The following USP30 variants were observed in gnomAD, a reference collection of about 807,000 sequenced individuals.
The protein encoded by USP30 is ubiquitin carboxyl-terminal hydrolase 30.
USP30 carries 41 observed loss-of-function variants against 68.2 expected under a neutral mutation model. That is an observed-to-expected ratio of 0.60 (90% CI 0.47 to 0.78). USP30 has a LOEUF of 0.78. Among genes scored for constraint, USP30 ranks in the 30% least tolerant of loss-of-function variants. The pLI is 0.00. For missense variants in USP30, 522 were observed against 649.4 expected, an observed-to-expected ratio of 0.80 and a Z score of 2.13; for synonymous variants, 229 against 253.7, an observed-to-expected ratio of 0.90 and a Z score of 0.93.
intron 3 of USP30, among the ~76,000 whole-genome samples, chr12:109,065,867 C>T (rs1203627467): frequency 2.0e-5 from 3 of 152,156 alleles, no homozygotes; most frequent in Non-Finnish European, 4.4e-5. Flanking sequence ...TTAGAAGGTC[C>T]TGAAATGTTA....
Position 109,078,687 on chromosome 12 carries a change from TA to T in USP30, c.721-2646del, listed in dbSNP as rs1198734142. 2.0e-5 allele frequency among the ~76,000 whole-genome samples: 3 copies of T among 152,220 alleles called. 1 individual carries two copies. Among genetic ancestry groups the T allele is most frequent in the Admixed American group, 2.0e-4 (3 of 15,286 alleles). On this transcript the variant is annotated intron_variant, in intron 7 of 12. Coordinates refer to ENST00000257548, the MANE Select transcript of USP30 (RefSeq NM_032663.5). ...TTTTTCTTGTTCTCAGTCTTTCTTG[TA>T]GATCAAAATCCATTTGATGTTTTTT...
chr12:109,065,640 T>C (rs959780553), intron 3 of USP30, among the ~76,000 whole-genome samples: 26 of 152,168 alleles, frequency 1.7e-4, no homozygotes, highest in Admixed American at 6.5e-4. Context: ...TGGATTACAC[T>C]CTTAGGGGGT....
chr12:109,031,969 GT>G (rs2040485469), intron 3 of USP30, among the ~76,000 whole-genome samples: 1 of 151,906 alleles, frequency 6.6e-6, no homozygotes, highest in African/African-American at 2.4e-5. Context: ...AGGTGTCATG[GT>G]GTGCATCTGT....
At chr12:109,084,234 A>G (rs922562174) in intron 11 of USP30, among the ~76,000 whole-genome samples, 1 of 152,210 alleles carries the variant, frequency 6.6e-6, no homozygotes, top group African/African-American at 2.4e-5. Context: ...TCTAAAACAC[A>G]CACAAAAAAT....
upstream of USP30, among the ~76,000 whole-genome samples, chr12:109,051,641 C>T (rs1245154042): frequency 6.7e-6 from 1 of 148,216 alleles, no homozygotes; most frequent in African/African-American, 2.5e-5. Flanking sequence ...ATGATCTTGG[C>T]TCAGTGCAAC....
At chr12:109,042,427 T>C (rs994937631) in intron 3 of USP30, among the ~76,000 whole-genome samples, 2 of 152,202 alleles carry the variant, frequency 1.3e-5, no homozygotes, top group Non-Finnish European at 2.9e-5. Flanking sequence ...CCTAATCTTT[T>C]ATTCTCTCAC....
At chr12:109,030,537 G>C (rs1282756221) in intron 3 of USP30, among the ~76,000 whole-genome samples, 2 of 152,170 alleles carry the variant, frequency 1.3e-5, no homozygotes, top group Non-Finnish European at 2.9e-5. Context: ...GGTGACTATA[G>C]GTAACGATAC....
rs751722909 is a variant in USP30 at position 109,056,781 on chromosome 12, G to C, written c.183G>C (p.Lys61Asn). ...VIWGPITERK[K>N]RRKGLVPGLV... The stretch of plus-strand genomic sequence containing the variant: ...GGGGTCCCATTACAGAAAGAAAGAA[G>C]CGTAGAAAAGGTAAGAATGAGAACA... Residue 61 changes from lysine (K) to asparagine (N), a missense_variant, in exon 2 of 13, where the codon AAG (lysine) becomes AAC (asparagine). Coordinates refer to ENST00000257548, the MANE Select transcript of USP30 (RefSeq NM_032663.5). 6.2e-7 allele frequency: 1 copy of C among 1,609,008 alleles called. No homozygotes were observed. Among genetic ancestry groups the C allele is most frequent in the South Asian group, 1.1e-5 (1 of 90,086 alleles).
Position 109,073,530 on chromosome 12 carries a change from C to G in USP30, c.718C>G (p.Gln240Glu). 1.9e-6 allele frequency: 3 copies of G among 1,608,838 alleles called. No homozygotes were observed. The highest frequency in any genetic ancestry group is 2.6e-6 in the Non-Finnish European group (3 of 1,175,242). Reference protein sequence around the residue: ...SNMVCKHCEHQSPVRFDTFDS... With the variant: ...SNMVCKHCEHESPVRFDTFDS... ...TATGGTCTGCAAACACTGTGAACAC[C>G]AGGTAAATACAATACCAACACTTGA... Residue 240 changes from glutamine to glutamate, a missense_variant and splice_region_variant, in exon 7 of 13, where the codon CAG (glutamine) becomes GAG (glutamate). Gln to Glu is a conservative substitution (Grantham distance 29). Coordinates refer to ENST00000257548, the MANE Select transcript of USP30 (RefSeq NM_032663.5).
chr12:109,087,152 C>A lies in USP30; in HGVS notation c.*1221C>A, dbSNP rs2041964964. On this transcript the variant is annotated 3_prime_UTR_variant, in exon 13 of 13. Coordinates refer to ENST00000257548, the MANE Select transcript of USP30 (RefSeq NM_032663.5). ...TTTCAGGTAAGTCTCTGAATGCAGCCCAGGGCCAAAGGAATTTTGATGACA... is the reference window on the plus strand; with the variant it reads ...TTTCAGGTAAGTCTCTGAATGCAGCACAGGGCCAAAGGAATTTTGATGACA... 6.6e-6 allele frequency: 1 copy of A among 151,934 alleles called. No homozygotes were observed. The highest frequency in any genetic ancestry group is 2.1e-4 in the South Asian group (1 of 4,828). The allele number at this position is 151,934 out of a possible 1,614,324, so 9.4% of individuals were successfully genotyped here.
At chr12:109,057,858 TC>T in intron 2 of USP30, 67 bp from the exon 3 acceptor site, 1 of 1,514,236 alleles carries the variant, frequency 6.6e-7, no homozygotes, top group South Asian at 1.3e-5. Flanking sequence ...GAACTCTGGG[TC>T]CCACATGGGA....
At chr12:109,064,863 G>C (rs1044227083) in intron 3 of USP30, among the ~76,000 whole-genome samples, 1 of 151,814 alleles carries the variant, frequency 6.6e-6, no homozygotes, top group Non-Finnish European at 1.5e-5. Flanking sequence ...TTTCCTTTGG[G>C]GGGTAGTTGG....
intron 3 of USP30, among the ~76,000 whole-genome samples, chr12:109,059,817 A>G (rs1417894819): frequency 6.6e-6 from 1 of 152,134 alleles, no homozygotes; most frequent in Non-Finnish European, 1.5e-5. Flanking sequence ...GCCCAACTTC[A>G]TTTTTAAACC....
upstream of USP30, chr12:109,052,316 C>T (rs2040687248): frequency 5.6e-6 from 1 of 178,280 alleles, no homozygotes; most frequent in African/African-American, 2.3e-5. Flanking sequence ...GCCTCCCTTC[C>T]CCACATCGAA....
intron 1 of USP30, among the ~76,000 whole-genome samples, chr12:109,054,208 G>A (rs903210580): frequency 4.6e-5 from 7 of 152,114 alleles, no homozygotes; most frequent in African/African-American, 1.7e-4. Flanking sequence ...GCACAGTGAT[G>A]TATTAAGAAA....
upstream of USP30, among the ~76,000 whole-genome samples, chr12:109,050,013 G>A (rs1029044290): frequency 2.6e-5 from 4 of 151,968 alleles, no homozygotes; most frequent in East Asian, 1.9e-4. Context: ...AAGATATGCC[G>A]GGCGGGGCAC....
chr12:109,028,444 C>A (rs1366052587), intron 3 of USP30, among the ~76,000 whole-genome samples: 1 of 149,242 alleles, frequency 6.7e-6, no homozygotes, highest in Non-Finnish European at 1.5e-5. Flanking sequence ...AGGGGAGGTG[C>A]CACACCCTTT....
At chr12:109,062,755 T>C (rs1262921284) in intron 3 of USP30, among the ~76,000 whole-genome samples, 4 of 152,172 alleles carry the variant, frequency 2.6e-5, no homozygotes, top group East Asian at 1.9e-4. Context: ...TTTCAGCATA[T>C]AGTTGAGTAG....
At chr12:109,066,006 C>G (rs570740401) in intron 3 of USP30, among the ~76,000 whole-genome samples, 2 of 152,124 alleles carry the variant, frequency 1.3e-5, no homozygotes, top group Non-Finnish European at 2.9e-5. Context: ...AATCCCAGCA[C>G]GTTGGGAGGC....
Sources: gnomAD v4.1 joint callset for allele counts (sites outside exome capture counted in the v4.1 genomes callset) on GRCh38, gnomAD v4.1.1 for gene constraint, MANE v1.5 for transcripts, NCBI Gene and HGNC (gene_info 2026-07-23, HGNC 2026-07-21) for gene names.